The following UNC5D variants were observed in gnomAD, a reference collection of about 807,000 sequenced individuals.
UNC5D encodes the protein netrin receptor UNC5D.
A neutral mutation model predicts 105.4 loss-of-function variants in UNC5D; 39 were observed. That is an observed-to-expected ratio of 0.37 (90% CI 0.29 to 0.48). The LOEUF (loss-of-function observed/expected upper bound fraction) is 0.48. Ranked by LOEUF, UNC5D falls within the 20% of genes least tolerant of loss-of-function variation. The pLI is 0.98. For missense variants in UNC5D, 991 were observed against 1,202.4 expected (o/e 0.82, Z 2.60); for synonymous variants, 452 against 450.4 (o/e 1.00, Z -0.04).
intron 1 of UNC5D, among the ~76,000 whole-genome samples, chr8:35,354,266 C>T (rs1215338373): frequency 6.6e-6 from 1 of 151,290 alleles, no homozygotes; most frequent in African/African-American, 2.4e-5. Flanking sequence ...TCTTTTCTTT[C>T]CCCCCCTCTC....
chr8:35,447,427 A>C (rs551400194), intron 1 of UNC5D, among the ~76,000 whole-genome samples: 14 of 152,082 alleles, frequency 9.2e-5, no homozygotes, highest in Non-Finnish European at 2.1e-4. Context: ...TTCAAAAAGG[A>C]AGTGGCCTAT....
intron 1 of UNC5D, among the ~76,000 whole-genome samples, chr8:35,333,077 G>A (rs528600003): frequency 1.4e-4 from 22 of 152,154 alleles, no homozygotes; most frequent in Non-Finnish European, 3.1e-4. Context: ...GCCAGGTGTG[G>A]TGGTTCATGC....
intron 16 of UNC5D, among the ~76,000 whole-genome samples, chr8:35,782,793 G>A (rs377207100): frequency 6.6e-6 from 1 of 152,112 alleles, no homozygotes; most frequent in East Asian, 1.9e-4. Context: ...GTGAGCCACC[G>A]CACCTGGCCC....
chr8:35,681,105 C>T (rs1825631180), intron 4 of UNC5D, among the ~76,000 whole-genome samples: 2 of 152,120 alleles, frequency 1.3e-5, no homozygotes, highest in African/African-American at 2.4e-5. Flanking sequence ...TACACCTTAA[C>T]ATTAACTGTA....
At chr8:35,253,113 T>C (rs1803824047) in intron 1 of UNC5D, among the ~76,000 whole-genome samples, 1 of 152,004 alleles carries the variant, frequency 6.6e-6, no homozygotes. Context: ...TCTGTGTGTG[T>C]GTGTGTGTGC....
intron 1 of UNC5D, among the ~76,000 whole-genome samples, chr8:35,387,015 T>TCCC (rs5890807): frequency 7.9e-5 from 12 of 151,432 alleles, no homozygotes; most frequent in Non-Finnish European, 1.3e-4. Context: ...GAGAAGGAAT[T>TCCC]CCCCCCCTGC....
chr8:35,464,064 C>A (rs866759265), intron 1 of UNC5D, among the ~76,000 whole-genome samples: 1 of 152,144 alleles, frequency 6.6e-6, no homozygotes, highest in Admixed American at 6.5e-5. Context: ...CAGTAGCTCA[C>A]GCCTGTAATC....
intron 10 of UNC5D, among the ~76,000 whole-genome samples, chr8:35,728,440 C>T (rs1829013859): frequency 6.6e-6 from 1 of 152,140 alleles, no homozygotes; most frequent in African/African-American, 2.4e-5. Flanking sequence ...ACGTTGAAAA[C>T]TAAAAGTTCT....
intron 3 of UNC5D, among the ~76,000 whole-genome samples, chr8:35,579,511 A>G (rs1818329965): frequency 6.6e-6 from 1 of 152,196 alleles, no homozygotes; most frequent in African/African-American, 2.4e-5. Flanking sequence ...CTGAGGCCTA[A>G]GATACACTTC....
chr8:35,500,264 T>A (rs1811877970), intron 1 of UNC5D, among the ~76,000 whole-genome samples: 1 of 152,152 alleles, frequency 6.6e-6, no homozygotes, highest in Admixed American at 6.5e-5. Flanking sequence ...TACTGCATCA[T>A]AACATGGTGG....
chr8:35,518,237 T>C (rs1813235048), intron 1 of UNC5D, among the ~76,000 whole-genome samples: 1 of 152,232 alleles, frequency 6.6e-6, no homozygotes, highest in Non-Finnish European at 1.5e-5. Flanking sequence ...TTGATAACAT[T>C]AAAGTGCCTT....
At chr8:35,263,882 G>C (rs1310279730) in intron 1 of UNC5D, among the ~76,000 whole-genome samples, 1 of 152,102 alleles carries the variant, frequency 6.6e-6, no homozygotes, top group Non-Finnish European at 1.5e-5. Context: ...AAATAATATT[G>C]TCTACCCCTC....
At chr8:35,246,598 A>G (rs1343215042) in intron 1 of UNC5D, among the ~76,000 whole-genome samples, 1 of 151,984 alleles carries the variant, frequency 6.6e-6, no homozygotes, top group East Asian at 1.9e-4. Flanking sequence ...TTTAGTAGAT[A>G]CCAGATATAT....
chr8:35,675,904 T>G (rs1030619153), intron 4 of UNC5D, among the ~76,000 whole-genome samples: 2 of 151,808 alleles, frequency 1.3e-5, no homozygotes, highest in African/African-American at 4.8e-5. Context: ...GTAAGGTTTA[T>G]GTATATACAT....
intron 4 of UNC5D, among the ~76,000 whole-genome samples, chr8:35,602,700 A>G (rs1819977935): frequency 6.6e-6 from 1 of 151,666 alleles, no homozygotes; most frequent in South Asian, 2.1e-4. Context: ...TTTCTTCTTT[A>G]TTAGTCTTGC....
At chr8:35,744,929 T>G (rs2131620046) in intron 11 of UNC5D, among the ~76,000 whole-genome samples, 1 of 152,224 alleles carries the variant, frequency 6.6e-6, no homozygotes, top group Middle Eastern at 3.4e-3. Flanking sequence ...AGTATGTGCC[T>G]ATAATCCCAG....
intron 1 of UNC5D, among the ~76,000 whole-genome samples, chr8:35,522,422 T>TC (rs1282877403): frequency 6.6e-6 from 1 of 152,192 alleles, no homozygotes; most frequent in Non-Finnish European, 1.5e-5. Flanking sequence ...CTCACAGAAC[T>TC]CCAAGGGTTT....
At chr8:35,353,389 A>G (rs1237492776) in intron 1 of UNC5D, among the ~76,000 whole-genome samples, 2 of 152,198 alleles carry the variant, frequency 1.3e-5, no homozygotes, top group Non-Finnish European at 2.9e-5. Flanking sequence ...CAAAAGCCCA[A>G]ACATTTCATA....
At chr8:35,510,648 C>G (rs1040705613) in intron 1 of UNC5D, among the ~76,000 whole-genome samples, 1 of 152,274 alleles carries the variant, frequency 6.6e-6, no homozygotes, top group Non-Finnish European at 1.5e-5. Flanking sequence ...AAGCTCAGTA[C>G]AAACAGCCTT....
Sources: gnomAD v4.1 joint callset for allele counts (sites outside exome capture counted in the v4.1 genomes callset) on GRCh38, gnomAD v4.1.1 for gene constraint, MANE v1.5 for transcripts, NCBI Gene and HGNC (gene_info 2026-07-23, HGNC 2026-07-21) for gene names.